Variants in EXT2 observed in about 807,000 individuals in gnomAD.
EXT2 encodes exostosin-2.
In EXT2, 53 loss-of-function variants were observed where a neutral mutation model predicts 81.6. The observed-to-expected ratio is 0.65, with a 90% CI of 0.52 to 0.82. The LOEUF is 0.82. Among genes scored for constraint, EXT2 ranks in the 40% least tolerant of loss-of-function variants. The probability of loss-of-function intolerance (pLI) is 0.00; values close to 1 mark genes in which losing one functional copy is unlikely to be tolerated. For missense variants in EXT2, 774 were observed against 910.2 expected, an observed-to-expected ratio of 0.85 and a Z score of 1.93; for synonymous variants, 320 against 340.0, an observed-to-expected ratio of 0.94 and a Z score of 0.65.
intron 9 of EXT2, among the ~76,000 whole-genome samples, chr11:44,203,820 C>CACTGGCCCTTCAGTGCCCTGT (rs1955549582): frequency 6.6e-6 from 1 of 152,238 alleles, no homozygotes; most frequent in African/African-American, 2.4e-5. Flanking sequence ...CCATGCGCTG[C>CACTGGCCCTTCAGTGCCCTGT]ACTGGCCCTT....
intron 9 of EXT2, among the ~76,000 whole-genome samples, chr11:44,202,554 G>T (rs753523933): frequency 2.6e-5 from 4 of 152,198 alleles, no homozygotes; most frequent in Non-Finnish European, 1.5e-5. Context: ...TGGGCCAGGG[G>T]TATACCACTG....
rs377529772 is a variant in EXT2, at chr11:44,236,342, G to C, written c.1985G>C (p.Gly662Ala). 1 of 1,614,020 alleles carries C rather than the reference G, an allele frequency of 6.2e-7. No homozygotes were observed. Among genetic ancestry groups the C allele is most frequent in the Non-Finnish European group, 8.5e-7 (1 of 1,180,006 alleles). ...FKCPECTAID[G>A]LSLDQTHMVE... ...TGTCCTGAGTGCACAGCCATAGATG[G>C]GCTTTCACTAGACCAAACACACATG... Residue 662 changes from glycine (G) to alanine (A), a missense_variant, in exon 13 of 14, where the codon GGG (glycine) becomes GCG (alanine). Around this residue, in one of 2 missense-constraint regions of EXT2, gnomAD observed 148 missense variants for 239.7 expected, o/e 0.62. Transcript: ENST00000533608.
chr11:44,161,011 TGGA>T, intron 7 of EXT2, among the ~76,000 whole-genome samples: 1 of 152,318 alleles, frequency 6.6e-6, no homozygotes, highest in Middle Eastern at 3.4e-3. Flanking sequence ...CACATTAAGT[TGGA>T]TGCTTACTTT....
At chr11:44,219,089 C>T (rs1955753756) in intron 10 of EXT2, among the ~76,000 whole-genome samples, 1 of 152,138 alleles carries the variant, frequency 6.6e-6, no homozygotes, top group Non-Finnish European at 1.5e-5. Context: ...GTGTGAGCCA[C>T]TGCACCCGGC....
intron 12 of EXT2, 61 bp from the exon 13 acceptor site, chr11:44,236,232 A>G: frequency 6.9e-7 from 1 of 1,451,942 alleles, no homozygotes; most frequent in Non-Finnish European, 9.7e-7. Flanking sequence ...GTGGTGTCAC[A>G]AGCATGATTT....
In EXT2 at chr11:44,244,356, C is replaced by G; in HGVS notation, c.*69C>G. The G allele has an allele frequency of 6.4e-7, 1 of 1,560,144 alleles. No homozygotes were observed. Among genetic ancestry groups the G allele is most frequent in the South Asian group, 1.1e-5 (1 of 89,762 alleles). ...GGAGAGAACAAGGCCTCCCAGCACT[C>G]TGATGTCAGAGTAGTAGGTTAAGGG... On this transcript the variant is annotated 3_prime_UTR_variant, in exon 14 of 14. Coordinates refer to ENST00000533608, the MANE Select transcript of EXT2 (RefSeq NM_207122.2).
chr11:44,224,090 G>A (rs1193657012), intron 10 of EXT2, among the ~76,000 whole-genome samples: 1 of 152,182 alleles, frequency 6.6e-6, no homozygotes, highest in African/African-American at 2.4e-5. Flanking sequence ...ACTGGGTAAA[G>A]CGTATACAGG....
intron 7 of EXT2, among the ~76,000 whole-genome samples, chr11:44,146,340 C>T (rs1954716982): frequency 6.6e-6 from 1 of 152,146 alleles, no homozygotes; most frequent in South Asian, 2.1e-4. Context: ...CAGCTCAGCC[C>T]CAGGTCTGTA....
At chr11:44,141,307 A>G (rs115926510) in intron 7 of EXT2, among the ~76,000 whole-genome samples, 1,769 of 152,294 alleles carry the variant, frequency 0.012, 27 homozygotes, top group African/African-American at 0.038. Context: ...GTACAGGCAC[A>G]GTTTTTTTTC....
intron 12 of EXT2, among the ~76,000 whole-genome samples, chr11:44,234,493 G>T (rs765287864): frequency 2.6e-5 from 4 of 152,000 alleles, no homozygotes; most frequent in Non-Finnish European, 5.9e-5. Context: ...CAGAATAAAG[G>T]CTATGATGAT....
At chr11:44,207,604 G>A (rs1175489664) in intron 10 of EXT2, among the ~76,000 whole-genome samples, 1 of 152,200 alleles carries the variant, frequency 6.6e-6, no homozygotes, top group Non-Finnish European at 1.5e-5. Flanking sequence ...ACAGGCGGAG[G>A]CCTGCGGCTG....
intron 1 of EXT2, among the ~76,000 whole-genome samples, chr11:44,098,567 C>T (rs902323388): frequency 1.3e-5 from 2 of 151,592 alleles, no homozygotes; most frequent in Admixed American, 6.6e-5. Context: ...TGGTGGTGGG[C>T]GCCTGTAATC....
In EXT2 at chr11:44,232,038, G is replaced by A. The variant is rs139002228; in HGVS notation, c.1663-315G>A. On this transcript the variant is annotated intron_variant, in intron 10 of 13. Coordinates refer to ENST00000533608, the MANE Select transcript of EXT2 (RefSeq NM_207122.2). ...TTCATTTTGTGAATTCATTAAGAAT[G>A]GAACCTATTTCATTAATCATATGTT... Among the ~76,000 whole-genome samples the A allele has an allele frequency of 4.8e-3, 730 of 152,232 alleles. 5 individuals carry two copies. Among genetic ancestry groups the A allele is most frequent in the Middle Eastern group, 0.027 (8 of 294 alleles).
At position 44,155,230 on chromosome 11, in the gene EXT2, G is replaced by A. The variant is rs543567961; in HGVS notation, c.1174-16381G>A. 3.2e-4 allele frequency among the ~76,000 whole-genome samples: 48 copies of A among 152,192 alleles called. 1 individual carries two copies. The highest frequency in any genetic ancestry group is 1.2e-3 in the South Asian group (6 of 4,822). On this transcript the variant is annotated intron_variant, in intron 7 of 13. Coordinates refer to ENST00000533608, the MANE Select transcript of EXT2 (RefSeq NM_207122.2). The stretch of plus-strand genomic sequence containing the variant: ...TTTTCTTTGAATAGTTTCATGGTTT[G>A]AGATCTTAGTCTAAGTCTTTAATCC...
rs565866421 is a variant in EXT2, at chr11:44,132,834, G to A, written c.1173+2696G>A. ...CGGACCATCTAAAGCTCTCCACTGCGGCAACTCACTAGTCCCACTCCCCTT... is the reference window on the plus strand; with the variant it reads ...CGGACCATCTAAAGCTCTCCACTGCAGCAACTCACTAGTCCCACTCCCCTT... On this transcript the variant is annotated intron_variant, in intron 7 of 13. Coordinates refer to ENST00000533608, the MANE Select transcript of EXT2 (RefSeq NM_207122.2). 1.6e-4 allele frequency among the ~76,000 whole-genome samples: 25 copies of A among 152,178 alleles called. 1 individual carries two copies. In the South Asian group the frequency reaches 3.7e-3, roughly 23 times the overall value.
chr11:44,158,241 G>T (rs1954882003), intron 7 of EXT2, among the ~76,000 whole-genome samples: 1 of 152,180 alleles, frequency 6.6e-6, no homozygotes, highest in Non-Finnish European at 1.5e-5. Context: ...TAGGCCACAT[G>T]CACCCCGAGT....
intron 8 of EXT2, among the ~76,000 whole-genome samples, chr11:44,178,493 G>T (rs187511551): frequency 6.6e-6 from 1 of 152,310 alleles, no homozygotes; most frequent in East Asian, 1.9e-4. Flanking sequence ...ACTCAGGGCT[G>T]CCTATACTTA....
chr11:44,096,022 CA>C (rs950158579), intron 1 of EXT2, among the ~76,000 whole-genome samples, 170 bp downstream of exon 1: 4 of 152,176 alleles, frequency 2.6e-5, no homozygotes, highest in African/African-American at 4.8e-5. Flanking sequence ...GGGGCTGTGA[CA>C]ATGACTGCCC....
chr11:44,223,322 C>G (rs1466832435), intron 10 of EXT2, among the ~76,000 whole-genome samples: 1 of 152,172 alleles, frequency 6.6e-6, no homozygotes, highest in Non-Finnish European at 1.5e-5. Context: ...ACATGAAAAC[C>G]TATATGTGAA....
Sources: allele counts gnomAD v4.1 joint callset (sites outside exome capture counted in the v4.1 genomes callset), GRCh38; gene constraint gnomAD v4.1.1; regional missense constraint gnomAD v4.1.1; transcripts MANE v1.5; gene names NCBI Gene and HGNC (gene_info 2026-07-23, HGNC 2026-07-21).